Variants in ZNF407 observed in about 807,000 individuals in gnomAD.
ZNF407 encodes the protein zinc finger protein 407.
Under a neutral mutation model 131.2 loss-of-function variants are expected in ZNF407, and 17 were observed. The ratio of observed to expected loss-of-function variants is 0.13; its 90% CI spans 0.09 to 0.19. ZNF407 has a LOEUF of 0.19. Ranked by LOEUF, ZNF407 falls within the 10% of genes least tolerant of loss-of-function variation. The pLI, the probability that ZNF407 is intolerant of heterozygous loss-of-function variation, is 1.00. For synonymous variants in ZNF407, 1,156 were observed against 1,062.0 expected, an observed-to-expected ratio of 1.09 and a Z score of -1.72; for missense variants, 2,681 against 2,830.6, an observed-to-expected ratio of 0.95 and a Z score of 1.20.
chr18:74,803,565 C>G (rs1970058245), intron 4 of ZNF407, among the ~76,000 whole-genome samples: 1 of 152,082 alleles, frequency 6.6e-6, no homozygotes, highest in Admixed American at 6.5e-5. Context: ...TATATTTTAG[C>G]AATTTTAAGT....
At position 74,632,895 on chromosome 18, in the gene ZNF407, T is replaced by G; in HGVS notation, c.1876T>G (p.Ser626Ala). 6.2e-7 allele frequency: 1 copy of G among 1,613,392 alleles called. No individual in the cohort carries two copies. The highest frequency in any genetic ancestry group is 8.5e-7 in the Non-Finnish European group (1 of 1,179,834). ...CACCCCTTGTAATCTGTTCTTTTTG[T>G]CTGAAAAAGATGTGGAAGAACACAA... is the stretch of plus-strand genomic sequence containing the variant. ...LCTPCNLFFL[S>A]EKDVEEHKAT... Residue 626 changes from serine (S) to alanine (A), a missense_variant, in exon 2 of 9, where the codon TCT becomes GCT. Around this residue, in one of 6 missense-constraint regions of ZNF407, gnomAD observed 1,789 missense variants for 1,748.7 expected, o/e 1.02. Transcript: ENST00000299687.
intron 3 of ZNF407, among the ~76,000 whole-genome samples, chr18:74,735,174 T>C (rs957073849): frequency 1.3e-5 from 2 of 152,240 alleles, no homozygotes; most frequent in South Asian, 2.1e-4. Flanking sequence ...TTTCTTGTGA[T>C]GCACCAGTCT....
rs539373988 is a variant in ZNF407, at chr18:74,694,666, AC to A, written c.4802+53545del. Among the ~76,000 whole-genome samples, 1,249 of 152,272 alleles carry A rather than the reference AC, an allele frequency of 8.2e-3. 9 individuals are homozygous for A. The highest frequency in any genetic ancestry group is 0.013 in the Non-Finnish European group (897 of 68,022). On this transcript the variant is annotated intron_variant, in intron 3 of 8. Coordinates refer to ENST00000299687, the MANE Select transcript of ZNF407 (RefSeq NM_017757.3). ...GGTCCCTGCACTGTGCTCCTGGGAT[AC>A]ATTCAGGGTTGCCACAGGGCTCATC... is the stretch of plus-strand genomic sequence containing the variant.
chr18:75,060,634 T>C (rs982175209), intron 8 of ZNF407, among the ~76,000 whole-genome samples: 22 of 150,848 alleles, frequency 1.5e-4, no homozygotes, highest in Non-Finnish European at 2.5e-4. Context: ...GCCTCCCGAG[T>C]AGCTGGGATT....
intron 8 of ZNF407, among the ~76,000 whole-genome samples, chr18:74,970,205 G>A (rs1972457001): frequency 6.6e-6 from 1 of 151,182 alleles, no homozygotes; most frequent in African/African-American, 2.4e-5. Context: ...TGGGAATTCT[G>A]GGAGATACAG....
intron 3 of ZNF407, among the ~76,000 whole-genome samples, chr18:74,708,548 G>A (rs546815863): frequency 6.6e-6 from 1 of 152,270 alleles, no homozygotes; most frequent in South Asian, 2.1e-4. Flanking sequence ...GACTAGTGAA[G>A]ACCCAAAGAA....
At chr18:74,942,105 A>T (rs1028351966) in intron 8 of ZNF407, among the ~76,000 whole-genome samples, 7 of 152,220 alleles carry the variant, frequency 4.6e-5, no homozygotes, top group African/African-American at 1.2e-4. Flanking sequence ...TTCTTTGCAA[A>T]CCATTTAGTG....
intron 3 of ZNF407, among the ~76,000 whole-genome samples, chr18:74,642,558 C>A (rs1258668074): frequency 6.6e-6 from 1 of 151,954 alleles, no homozygotes; most frequent in Non-Finnish European, 1.5e-5. Flanking sequence ...GTTACTAAGA[C>A]CCTAGAAAGA....
chr18:75,053,981 A>AT (rs1973532015), intron 8 of ZNF407, among the ~76,000 whole-genome samples: 1 of 152,026 alleles, frequency 6.6e-6, no homozygotes. Flanking sequence ...TCCTGCTTTC[A>AT]TTTCCTGGAC....
intron 3 of ZNF407, among the ~76,000 whole-genome samples, chr18:74,722,678 T>G (rs1031305040): frequency 6.6e-6 from 1 of 152,192 alleles, no homozygotes; most frequent in Non-Finnish European, 1.5e-5. Flanking sequence ...CAGGCACCCC[T>G]CCCACCAGCT....
intron 3 of ZNF407, among the ~76,000 whole-genome samples, chr18:74,767,155 A>T (rs1969252641): frequency 6.6e-6 from 1 of 152,136 alleles, no homozygotes; most frequent in Non-Finnish European, 1.5e-5. Context: ...CAGGTGATCC[A>T]CCTGCGTCGG....
chr18:74,608,624 G>A (rs143306846), intron 1 of ZNF407, among the ~76,000 whole-genome samples: 2 of 152,294 alleles, frequency 1.3e-5, no homozygotes, highest in East Asian at 3.9e-4. Context: ...TGGGATTACA[G>A]GTGTAAGCCA....
At chr18:74,789,878 A>G (rs545763535) in intron 4 of ZNF407, among the ~76,000 whole-genome samples, 4 of 125,270 alleles carry the variant, frequency 3.2e-5, no homozygotes, top group South Asian at 2.5e-4. Flanking sequence ...TTTCCTCTGT[A>G]CTTTTGTTCT....
chr18:74,978,683 C>T (rs1319444949), intron 8 of ZNF407, among the ~76,000 whole-genome samples: 1 of 151,272 alleles, frequency 6.6e-6, no homozygotes, highest in East Asian at 1.9e-4. Flanking sequence ...TGGTTTAAAA[C>T]ATGGAAGTAT....
chr18:74,768,451 G>T (rs1345142453), intron 3 of ZNF407, among the ~76,000 whole-genome samples: 1 of 152,070 alleles, frequency 6.6e-6, no homozygotes, highest in Non-Finnish European at 1.5e-5. Context: ...CTTTTTTGGT[G>T]GATTTATTGA....
chr18:74,924,753 G>C (rs1971890942), intron 8 of ZNF407, among the ~76,000 whole-genome samples: 1 of 152,010 alleles, frequency 6.6e-6, no homozygotes, highest in South Asian at 2.1e-4. Flanking sequence ...AGACGGGGAG[G>C]GCTGAGGAGA....
intron 1 of ZNF407, among the ~76,000 whole-genome samples, chr18:74,617,546 C>T (rs1016080407): frequency 5.6e-4 from 86 of 152,216 alleles, no homozygotes; most frequent in African/African-American, 2.0e-3. Flanking sequence ...TTCCCTCCAC[C>T]TTTTTTCTTT....
chr18:74,809,133 C>G (rs530463773), intron 4 of ZNF407, among the ~76,000 whole-genome samples: 24 of 152,318 alleles, frequency 1.6e-4, no homozygotes, highest in African/African-American at 3.4e-4. Context: ...TAATCCCACT[C>G]TTAGATCCGG....
chr18:74,738,346 G>GAATACAAAAACTTAGCT (rs1568190837), intron 3 of ZNF407, among the ~76,000 whole-genome samples: 3 of 142,858 alleles, frequency 2.1e-5, no homozygotes, highest in African/African-American at 7.8e-5. Flanking sequence ...CTTGAACCCG[G>GAATACAAAAACTTAGCT]GAGGCGGAGG....
Sources: allele counts gnomAD v4.1 joint callset (sites outside exome capture counted in the v4.1 genomes callset), GRCh38; gene constraint gnomAD v4.1.1; regional missense constraint gnomAD v4.1.1; transcripts MANE v1.5; gene names NCBI Gene and HGNC (gene_info 2026-07-23, HGNC 2026-07-21).